The following SMOC1 variants were observed in gnomAD, a reference collection of about 807,000 sequenced individuals.
SMOC1 encodes SPARC-related modular calcium-binding protein 1.
A neutral mutation model predicts 56.3 loss-of-function variants in SMOC1; 22 were observed. The observed-to-expected ratio is 0.39, with a 90% CI of 0.28 to 0.56. The LOEUF (loss-of-function observed/expected upper bound fraction) is 0.56, where lower values mean the gene tolerates loss of function less well. Among genes scored for constraint, SMOC1 ranks in the 20% least tolerant of loss-of-function variants. The probability of loss-of-function intolerance (pLI) is 0.61; values close to 1 mark genes in which losing one functional copy is unlikely to be tolerated. For missense variants in SMOC1, 509 were observed against 565.4 expected, an observed-to-expected ratio of 0.90 and a Z score of 1.01; for synonymous variants, 193 against 215.0, an observed-to-expected ratio of 0.90 and a Z score of 0.89.
At chr14:69,921,187 G>T (rs372140252) in intron 1 of SMOC1, among the ~76,000 whole-genome samples, 2 of 152,200 alleles carry the variant, frequency 1.3e-5, no homozygotes, top group African/African-American at 4.8e-5. Flanking sequence ...AGCCCAGGGA[G>T]GCCATGGTCA....
intron 8 of SMOC1, 82 bp from the exon 9 acceptor site, chr14:70,011,403 T>C (rs987824317): frequency 6.8e-6 from 9 of 1,328,970 alleles, no homozygotes; most frequent in Non-Finnish European, 8.7e-6. Context: ...GGTGACAACA[T>C]AGATCATTGC....
chr14:70,008,230 GGT>G (rs1255605655), intron 7 of SMOC1, among the ~76,000 whole-genome samples: 1 of 152,048 alleles, frequency 6.6e-6, no homozygotes, highest in African/African-American at 2.4e-5. Flanking sequence ...CCTGGACTCA[GGT>G]GGCCCTCTCA....
chr14:70,013,163 G>A (rs1036807719), intron 9 of SMOC1, among the ~76,000 whole-genome samples: 2 of 152,202 alleles, frequency 1.3e-5, no homozygotes, highest in Admixed American at 1.3e-4. Flanking sequence ...TGTGTGGAAT[G>A]GAAGAAAATT....
chr14:69,883,844 CA>C lies in SMOC1; in HGVS notation c.99+4068del, dbSNP rs549731368. Among the ~76,000 whole-genome samples, 25 of 142,084 alleles carry C rather than the reference CA, an allele frequency of 1.8e-4. No individual in the cohort carries two copies. The South Asian group carries it at 5.5e-3, about 31-fold the overall frequency. 93.2% of individuals were successfully genotyped at this position (142,084 alleles called of 152,430 possible). ...TTCTAACTGGAGTGAGGTGGTATCTCATTGTGGTTTGAATGCATTTCCCTGA... is the reference window on the plus strand; with the variant it reads ...TTCTAACTGGAGTGAGGTGGTATCTCTTGTGGTTTGAATGCATTTCCCTGA... On this transcript the variant is annotated intron_variant, in intron 1 of 11. Transcript: ENST00000361956.
At chr14:70,007,799 C>T (rs1012721071) in intron 7 of SMOC1, among the ~76,000 whole-genome samples, 1 of 152,106 alleles carries the variant, frequency 6.6e-6, no homozygotes, top group African/African-American at 2.4e-5. Context: ...TAGGTAAAGC[C>T]CTTAGTCTAT....
chr14:70,002,050 ACCTCTAGTTC>A (rs1884987546), intron 7 of SMOC1, among the ~76,000 whole-genome samples: 1 of 151,910 alleles, frequency 6.6e-6, no homozygotes, highest in Non-Finnish European at 1.5e-5. Context: ...CTCATCCCCT[ACCTCTAGTTC>A]CCTCTGACCG....
At chr14:69,935,813 G>T (rs1279129467) in intron 1 of SMOC1, among the ~76,000 whole-genome samples, 1 of 152,214 alleles carries the variant, frequency 6.6e-6, no homozygotes, top group Non-Finnish European at 1.5e-5. Context: ...AGGACCATGA[G>T]GGGCAGGAAC....
chr14:70,005,186 A>G (rs1275002664), intron 7 of SMOC1, among the ~76,000 whole-genome samples: 1 of 152,260 alleles, frequency 6.6e-6, no homozygotes, highest in Non-Finnish European at 1.5e-5. Context: ...AAAAGAAGAG[A>G]AAGGAAAAAG....
intron 7 of SMOC1, among the ~76,000 whole-genome samples, chr14:70,001,819 C>T (rs56242824): frequency 0.16 from 24,290 of 152,230 alleles, 2,699 homozygotes; most frequent in East Asian, 0.4. Context: ...TACTTTTACA[C>T]GTAAGGAACC....
At position 70,023,244 on chromosome 14, in the gene SMOC1, T is replaced by C; in HGVS notation, c.1088T>C (p.Val363Ala). 6.2e-7 allele frequency: 1 copy of C among 1,613,904 alleles called. No individual in the cohort carries two copies. The change falls in exon 11 of 12, where the codon GTA (valine) becomes GCA (alanine). Residue 363 changes from valine to alanine, a missense_variant. By Grantham distance (64) the Val-to-Ala change is moderately conservative. This residue lies in a region of SMOC1 where 176 missense variants were observed against 188.1 expected (regional missense o/e 0.94). Coordinates refer to ENST00000361956, the MANE Select transcript of SMOC1 (RefSeq NM_001034852.3). ...CCCAGCCACACCCTGGAGGAGCGGGTAGTGCACTGGTATTTCAGCCAGCTG... is the reference window on the plus strand; with the variant it reads ...CCCAGCCACACCCTGGAGGAGCGGGCAGTGCACTGGTATTTCAGCCAGCTG... ...PDPSHTLEER[V>A]VHWYFSQLDS...
At chr14:69,923,463 G>C (rs993134204) in intron 1 of SMOC1, among the ~76,000 whole-genome samples, 3 of 152,200 alleles carry the variant, frequency 2.0e-5, no homozygotes, top group Admixed American at 1.3e-4. Flanking sequence ...AGAGAGACCT[G>C]TTTCGTTCCC....
intron 11 of SMOC1, among the ~76,000 whole-genome samples, chr14:70,025,625 GTT>G (rs1389748865): frequency 2.6e-5 from 4 of 152,184 alleles, no homozygotes; most frequent in Non-Finnish European, 5.9e-5. Flanking sequence ...GACCAGAAGT[GTT>G]TGGAACTTTT....
At chr14:69,957,156 G>C (rs1257287198) in intron 3 of SMOC1, among the ~76,000 whole-genome samples, 1 of 152,180 alleles carries the variant, frequency 6.6e-6, no homozygotes, top group African/African-American at 2.4e-5. Context: ...CCAAGCAGTT[G>C]TCTGGTGCCC....
At position 69,959,081 on chromosome 14, in the gene SMOC1, T is replaced by C. The variant is rs115134548; in HGVS notation, c.378+5549T>C. Among the ~76,000 whole-genome samples, 1,421 of 152,288 alleles carry C rather than the reference T, an allele frequency of 9.3e-3. 23 individuals are homozygous for C. The highest frequency in any genetic ancestry group is 0.031 in the African/African-American group (1,279 of 41,558). On this transcript the variant is annotated intron_variant, in intron 3 of 11. Transcript: ENST00000361956. ...CAACAGTTAAGTCTAACCCTCTAGA[T>C]TTTTTTCCTTGTGTGTACTTATTGT...
chr14:69,952,326 A>G (rs771974039), intron 2 of SMOC1, 23 bp downstream of exon 2: 8 of 1,613,010 alleles, frequency 5.0e-6, no homozygotes, highest in Non-Finnish European at 2.5e-6. Flanking sequence ...ACCCCTGCCC[A>G]GCCAAGGAGA....
At chr14:69,949,884 G>C (rs1001904376) in intron 1 of SMOC1, among the ~76,000 whole-genome samples, 4 of 152,208 alleles carry the variant, frequency 2.6e-5, no homozygotes, top group African/African-American at 9.7e-5. Context: ...GGGGGTTGAG[G>C]CTGGGGATCG....
At chr14:69,897,515 T>C (rs982273802) in intron 1 of SMOC1, among the ~76,000 whole-genome samples, 1 of 152,168 alleles carries the variant, frequency 6.6e-6, no homozygotes, top group Non-Finnish European at 1.5e-5. Context: ...GTGTTTTTAA[T>C]TGAGCATTTT....
chr14:70,018,271 G>A lies in SMOC1; in HGVS notation c.1046+4780G>A, dbSNP rs536451951. 2.6e-5 allele frequency among the ~76,000 whole-genome samples: 4 copies of A among 152,246 alleles called. No homozygotes were observed. In the South Asian group the frequency reaches 8.3e-4, roughly 32 times the overall value. ...AAGGGTGATGAGGGCATGGACCGTG[G>A]GAAAGGGATGATTTGCTGAAGCTTT... On this transcript the variant is annotated intron_variant, in intron 10 of 11. Transcript: ENST00000361956.
chr14:69,930,143 A>C, intron 1 of SMOC1, among the ~76,000 whole-genome samples: 1 of 126,108 alleles, frequency 7.9e-6, no homozygotes. Flanking sequence ...CTCTGCCCTC[A>C]CCCCTTTCAT....
Sources: gnomAD v4.1 joint callset for allele counts (sites outside exome capture counted in the v4.1 genomes callset) on GRCh38, gnomAD v4.1.1 for gene constraint, gnomAD v4.1.1 regional missense constraint, MANE v1.5 for transcripts, NCBI Gene and HGNC (gene_info 2026-07-23, HGNC 2026-07-21) for gene names.